The following MGAM variants were observed in gnomAD, a reference collection of about 807,000 sequenced individuals.
MGAM encodes the protein alpha-1,4-glucosidase.
A neutral mutation model predicts 358.8 loss-of-function variants in MGAM; 253 were observed. That is an observed-to-expected ratio of 0.71 (90% CI 0.64 to 0.78). The LOEUF (loss-of-function observed/expected upper bound fraction) is 0.78, where lower values mean the gene tolerates loss of function less well. Among genes scored for constraint, MGAM ranks in the 30% least tolerant of loss-of-function variants. MGAM has a pLI of 0.00. For missense variants in MGAM, 3,080 were observed against 3,432.6 expected, an observed-to-expected ratio of 0.90 and a Z score of 2.57; for synonymous variants, 1,105 against 1,227.1, an observed-to-expected ratio of 0.90 and a Z score of 2.08.
chr7:142,039,970 A>G (rs111226020), intron 19 of MGAM, 145 bp from the exon 20 acceptor site: 14,184 of 592,356 alleles, frequency 0.024, 272 homozygotes, highest in Non-Finnish European at 0.032. Context: ...TACAGTTTCT[A>G]TTATTTGTAT....
Position 142,078,959 on chromosome 7 carries a change from C to T in MGAM, c.5798C>T (p.Pro1933Leu). 3 of 1,555,966 alleles carry T rather than the reference C, an allele frequency of 1.9e-6. No individual in the cohort carries two copies. Among genetic ancestry groups the T allele is most frequent in the Non-Finnish European group, 1.8e-6 (2 of 1,132,402 alleles). Residue 1933 changes from proline (P) to leucine (L), a missense_variant, in exon 49 of 71, where the codon CCC becomes CTC. By Grantham distance (98) the Pro-to-Leu change is moderately conservative (BLOSUM62 -3). Transcript: ENST00000475668. ...ANAFPSTPVN[P>L]LRLDVTYHKN... ...GCCTTCCCTTCCACACCCGTGAACC[C>T]CCTTCGCCTGGATGTCACTTACCAT...
At chr7:142,044,067 C>T (rs1309189539) in intron 21 of MGAM, among the ~76,000 whole-genome samples, 2 of 127,786 alleles carry the variant, frequency 1.6e-5, no homozygotes, top group South Asian at 2.4e-4. Flanking sequence ...ACACATACGA[C>T]GTATAATACA....
At position 142,092,025 on chromosome 7, in the gene MGAM, T is replaced by G. The variant is rs780815540; in HGVS notation, c.6923T>G (p.Leu2308Trp). Reference sequence around the variant, plus strand: ...AATCCACAGAATCCAGAGAGGAGCTTGAAGTTTGATGGCATGTGGATTGTA... The same window carrying G: ...AATCCACAGAATCCAGAGAGGAGCTGGAAGTTTGATGGCATGTGGATTGTA... The part of the protein sequence containing the change: ...YNNPQNPERS[L>W]KFDGMWIDMN... Residue 2308 changes from leucine to tryptophan, a missense_variant, in exon 58 of 71, where the codon TTG becomes TGG. This residue lies in a region of MGAM where 932 missense variants were observed against 1,198.2 expected (regional missense o/e 0.78). Transcript: ENST00000475668. 7.2e-6 allele frequency: 11 copies of G among 1,536,314 alleles called. 1 individual carries two copies. The Admixed American group carries it at 1.6e-4, about 23-fold the overall frequency.
At position 142,087,905 on chromosome 7, in the gene MGAM, A is replaced by G. The variant is rs1252149174; in HGVS notation, c.6810+1188A>G. On this transcript the variant is annotated intron_variant, in intron 57 of 70. Transcript: ENST00000475668. ...TTCTTTCTACGTAATGTAAGATTGT[A>G]TCCCATGGACAGAGGTGCAGGAGAA... Among the ~76,000 whole-genome samples, 3 of 146,492 alleles carry G rather than the reference A, an allele frequency of 2.0e-5. 1 individual carries two copies. Among genetic ancestry groups the G allele is most frequent in the Non-Finnish European group, 4.6e-5 (3 of 64,662 alleles).
Position 142,080,906 on chromosome 7 carries a change from T to G in MGAM, c.5963T>G (p.Phe1988Cys), listed in dbSNP as rs759809985. Reference sequence around the variant, plus strand: ...GATGTCCTCATTAAGAAGAATCCATTTGGGATTGAAATTCGCCGGAAGAGT... The same window carrying G: ...GATGTCCTCATTAAGAAGAATCCATGTGGGATTGAAATTCGCCGGAAGAGT... ...LYDVLIKKNPFGIEIRRKSTG... is the reference protein window; with the variant it reads ...LYDVLIKKNPCGIEIRRKSTG... Residue 1988 changes from phenylalanine to cysteine, a missense_variant, in exon 50 of 71, where the codon TTT becomes TGT. Coordinates refer to ENST00000475668, the MANE Select transcript of MGAM (RefSeq NM_001365693.1). 1 of 1,556,226 alleles carries G rather than the reference T, an allele frequency of 6.4e-7. No homozygotes were observed. Among genetic ancestry groups the G allele is most frequent in the South Asian group, 1.1e-5 (1 of 89,186 alleles).
rs572455163 is a variant in MGAM at position 142,076,634 on chromosome 7, A to G, written c.5326-25A>G. The G allele has an allele frequency of 5.4e-6, 8 of 1,491,302 alleles. 1 individual carries two copies. In the East Asian group the frequency reaches 9.3e-5, roughly 17 times the overall value. 92.4% of individuals were successfully genotyped at this position (1,491,302 alleles called of 1,614,324 possible). A position where few individuals can be genotyped will look rare whatever the true frequency, so the allele number is the denominator to read the frequency against. Reference sequence around the variant, plus strand: ...GTGTATTACAGGCATACCTTTATGCATAATTGGAGTTAATTGTTTTGCAGA... The same window carrying G: ...GTGTATTACAGGCATACCTTTATGCGTAATTGGAGTTAATTGTTTTGCAGA... On this transcript the variant is annotated intron_variant, in intron 46 of 70. Transcript: ENST00000475668.
At chr7:141,997,817 C>T (rs552992842) in intron 1 of MGAM, among the ~76,000 whole-genome samples, 4 of 152,308 alleles carry the variant, frequency 2.6e-5, no homozygotes, top group African/African-American at 9.6e-5. Context: ...CTTATCCCTT[C>T]CCATTCACCA....
chr7:142,073,010 A>G (rs1273610293), intron 44 of MGAM, among the ~76,000 whole-genome samples: 1 of 146,236 alleles, frequency 6.8e-6, no homozygotes, highest in Non-Finnish European at 1.5e-5. Context: ...TTTAGCAGGA[A>G]TATATGTTAT....
rs565368786 is a variant in MGAM at position 142,047,077 on chromosome 7, C to T, written c.2499-708C>T. 8.5e-5 allele frequency among the ~76,000 whole-genome samples: 13 copies of T among 152,154 alleles called. No individual in the cohort carries two copies. The South Asian group carries it at 2.7e-3, about 32-fold the overall frequency. ...AAGAATACAATGGAGAATATGAGAC[C>T]AGTGACAGAGGAGAAACAAGAAGAG... is the stretch of plus-strand genomic sequence containing the variant. On this transcript the variant is annotated intron_variant, in intron 21 of 70. Coordinates refer to ENST00000475668, the MANE Select transcript of MGAM (RefSeq NM_001365693.1).
Position 141,988,149 on chromosome 7 carries a change from G to A in MGAM, c.-2-17380G>A, listed in dbSNP as rs555460861. Among the ~76,000 whole-genome samples, 53 of 152,116 alleles carry A rather than the reference G, an allele frequency of 3.5e-4. 1 individual carries two copies. Among genetic ancestry groups the A allele is most frequent in the African/African-American group, 1.1e-3 (44 of 41,514 alleles). On this transcript the variant is annotated intron_variant, in intron 2 of 5. Coordinates refer to the MGAM transcript ENST00000465654. ...CTAAAAATACAAAGATTAGCCGGGC[G>A]TGGTGGTGCATGCCTGTAATCCCAG... is the stretch of plus-strand genomic sequence containing the variant.
Position 142,078,462 on chromosome 7 carries a change from A to G in MGAM, c.5638A>G (p.Ile1880Val), listed in dbSNP as rs1813935950. The part of the protein sequence containing the change: ...SAENCTARGC[I>V]WEASNSSGVP... ...AGAAAACTGCACTGCCCGTGGCTGTATCTGGGAGGTAACCATGCTGATGGG... is the reference window on the plus strand; with the variant it reads ...AGAAAACTGCACTGCCCGTGGCTGTGTCTGGGAGGTAACCATGCTGATGGG... Residue 1880 changes from isoleucine (I) to valine (V), a missense_variant, in exon 48 of 71, where the codon ATC becomes GTC. Physicochemically the swap from Ile to Val is conservative, Grantham distance 29 (BLOSUM62 3). Transcript: ENST00000475668. The G allele has an allele frequency of 1.3e-6, 2 of 1,543,522 alleles. No homozygotes were observed. The highest frequency in any genetic ancestry group is 1.1e-5 in the South Asian group (1 of 87,332).
Position 142,083,341 on chromosome 7 carries a change from C to G in MGAM, c.6309C>G (p.Thr2103=). The G allele has an allele frequency of 1.3e-6, 2 of 1,554,270 alleles. 1 individual carries two copies. The highest frequency in any genetic ancestry group is 1.8e-6 in the Non-Finnish European group (2 of 1,131,596). ...CCCTGCCTGCCTTGACATACCGTAC[C>G]ACAGGGGGAGTTCTGGACTTTTATG... ...FQPLPALTYR[T]TGGVLDFYVF... is the part of the protein sequence containing the mutation. The change falls in exon 53 of 71, where the codon ACC becomes ACG. Residue 2103 remains threonine (T), a synonymous_variant. Coordinates refer to ENST00000475668, the MANE Select transcript of MGAM (RefSeq NM_001365693.1).
intron 16 of MGAM, 30 bp from the exon 17 acceptor site, chr7:142,036,139 G>T: frequency 6.7e-7 from 1 of 1,485,222 alleles, no homozygotes. Context: ...AAGGAAGTGA[G>T]GTATACCTGT....
intron 17 of MGAM, 120 bp from the exon 18 acceptor site, chr7:142,036,703 C>A: frequency 8.9e-7 from 1 of 1,121,904 alleles, no homozygotes; most frequent in Non-Finnish European, 1.3e-6. Flanking sequence ...AGGTTTGCAA[C>A]CTTGGCCTCT....
chr7:142,000,788 G>A (rs1397802910), intron 1 of MGAM, among the ~76,000 whole-genome samples: 1 of 152,148 alleles, frequency 6.6e-6, no homozygotes, highest in African/African-American at 2.4e-5. Context: ...CAATTGCTGG[G>A]TAATGGGCAT....
In MGAM at chr7:142,030,342, G is replaced by A. The variant is rs782067771; in HGVS notation, c.1222-20G>A. 190 of 1,610,088 alleles carry A rather than the reference G, an allele frequency of 1.2e-4. No individual in the cohort carries two copies. The highest frequency in any genetic ancestry group is 1.6e-4 in the Non-Finnish European group (187 of 1,178,344). ...TGGAAATTCCTAGGTGCTAATTGTG[G>A]ACTTTGTATATTCTTTCAGGATGTT... On this transcript the variant is annotated intron_variant, in intron 10 of 70. Coordinates refer to ENST00000475668, the MANE Select transcript of MGAM (RefSeq NM_001365693.1).
Position 142,085,827 on chromosome 7 carries a change from C to G in MGAM, c.6508-6C>G, listed in dbSNP as rs112557747. Reference sequence around the variant, plus strand: ...CAGCCTCTCAGCTCCCCATGTCCTCCCGCAGGACGTGCAGTACTCAGACAT... The same window carrying G: ...CAGCCTCTCAGCTCCCCATGTCCTCGCGCAGGACGTGCAGTACTCAGACAT... On this transcript the variant is annotated splice_region_variant and splice_polypyrimidine_tract_variant and intron_variant, in intron 54 of 70. Coordinates refer to ENST00000475668, the MANE Select transcript of MGAM (RefSeq NM_001365693.1). 7.1e-4 allele frequency: 1,104 copies of G among 1,563,522 alleles called. 72 individuals are homozygous for G. The South Asian group carries it at 8.9e-3, about 13-fold the overall frequency.
intron 2 of MGAM, among the ~76,000 whole-genome samples, chr7:141,988,501 A>C (rs1227890450): frequency 6.6e-6 from 1 of 152,070 alleles, no homozygotes; most frequent in African/African-American, 2.4e-5. Flanking sequence ...AGTAGCTGAG[A>C]TAACAGGCGC....
intron 3 of MGAM, among the ~76,000 whole-genome samples, chr7:142,011,515 T>A (rs1805594491): frequency 6.6e-6 from 1 of 152,118 alleles, no homozygotes; most frequent in Admixed American, 6.6e-5. Flanking sequence ...AATGATAATG[T>A]AGCCATTGGT....
Sources: allele counts gnomAD v4.1 joint callset (sites outside exome capture counted in the v4.1 genomes callset), GRCh38; gene constraint gnomAD v4.1.1; regional missense constraint gnomAD v4.1.1; transcripts MANE v1.5; gene names NCBI Gene and HGNC (gene_info 2026-07-23, HGNC 2026-07-21).